PWWP3B: variants seen among roughly 807,000 people sequenced by gnomAD.
PWWP3B encodes PWWP domain-containing DNA repair factor 3B.
PWWP3B carries 5 observed loss-of-function variants against 15.7 expected under a neutral mutation model. That is an observed-to-expected ratio of 0.32 (90% CI 0.17 to 0.67). The LOEUF is 0.67. PWWP3B is among the 30% of genes least tolerant of loss of function. The pLI is 0.74. For missense variants in PWWP3B, 519 were observed against 493.1 expected (o/e 1.05, Z -0.50); for synonymous variants, 203 against 179.8 (o/e 1.13, Z -1.03).
chrX:106,169,899 A>G (rs187028190), intron 1 of PWWP3B, among the ~76,000 whole-genome samples: 86 of 112,058 alleles, frequency 7.7e-4, no homozygotes, highest in African/African-American at 2.5e-3. Context: ...AGTGTATGCA[A>G]TAAAAACCTG....
chrX:106,190,977 G>A (rs1405630850), intron 2 of PWWP3B, among the ~76,000 whole-genome samples: 1 of 111,282 alleles, frequency 9.0e-6, no homozygotes, highest in African/African-American at 3.3e-5. Flanking sequence ...GTCAGGTGGC[G>A]TGATGCCTCC....
intron 2 of PWWP3B, among the ~76,000 whole-genome samples, chrX:106,174,605 C>G (rs746036628): frequency 1.8e-4 from 20 of 111,693 alleles, no homozygotes; most frequent in African/African-American, 6.5e-4. Flanking sequence ...AATGGCAATT[C>G]TCTGTATAAC....
intron 2 of PWWP3B, among the ~76,000 whole-genome samples, chrX:106,195,955 C>A (rs1180445251): frequency 1.8e-5 from 2 of 111,581 alleles, no homozygotes; most frequent in Admixed American, 9.6e-5. Context: ...TTATTTAGGT[C>A]TTATTTAATT....
intron 2 of PWWP3B, among the ~76,000 whole-genome samples, chrX:106,189,858 C>A (rs1922797675): frequency 9.0e-6 from 1 of 111,339 alleles, no homozygotes; most frequent in African/African-American, 3.3e-5. Context: ...ACCTCGTGAT[C>A]CGCCTGCCTC....
At chrX:106,195,733 A>G (rs1923338872) in intron 2 of PWWP3B, among the ~76,000 whole-genome samples, 1 of 111,857 alleles carries the variant, frequency 8.9e-6, no homozygotes, top group Non-Finnish European at 1.9e-5. Flanking sequence ...GAATCTTCTA[A>G]CTTTTGTATT....
intron 2 of PWWP3B, among the ~76,000 whole-genome samples, chrX:106,177,775 A>G (rs1286554914): frequency 1.8e-5 from 2 of 112,319 alleles, no homozygotes. Context: ...GTACATGAAC[A>G]TGGAAAGGGA....
At position 106,208,829 on chromosome X, in the gene PWWP3B, T is replaced by C. The variant is rs1314852415; in HGVS notation, c.*1306T>C. On this transcript the variant is annotated 3_prime_UTR_variant, in exon 4 of 4. Transcript: ENST00000357175. Reference sequence around the variant, plus strand: ...ATTCTAAAGGCTTAACATGAAACTGTCTGCATTTCTACCTGTTAGACAATG... The same window carrying C: ...ATTCTAAAGGCTTAACATGAAACTGCCTGCATTTCTACCTGTTAGACAATG... The C allele has an allele frequency of 8.1e-6, 1 of 123,763 alleles. No homozygotes were observed. The highest frequency in any genetic ancestry group is 1.9e-5 in the Non-Finnish European group (1 of 53,383). 10.2% of individuals were successfully genotyped at this position (123,763 alleles called of 1,213,427 possible).
intron 2 of PWWP3B, chrX:106,177,279 C>G (rs1333734130): frequency 2.7e-5 from 3 of 112,699 alleles, no homozygotes; most frequent in Non-Finnish European, 5.6e-5. Context: ...TCGTCGGAGC[C>G]GCTCGGAAGG....
chrX:106,172,948 A>G (rs1314754976), intron 2 of PWWP3B, among the ~76,000 whole-genome samples: 2 of 112,181 alleles, frequency 1.8e-5, no homozygotes, highest in Admixed American at 9.5e-5. Context: ...GGAATTTTGC[A>G]GCTTTATTAT....
rs1421755399 is a variant in PWWP3B at position 106,175,915 on chromosome X, G to A, written c.-401+4776G>A. 2.7e-5 allele frequency among the ~76,000 whole-genome samples: 3 copies of A among 110,697 alleles called. No individual in the cohort carries two copies. In the East Asian group the frequency reaches 8.5e-4, roughly 31 times the overall value. ...TCTTTATTTTGAATATTTGGGTTTT[G>A]AGGAGTCCCGATATATAGCACCTCC... is the stretch of plus-strand genomic sequence containing the variant. On this transcript the variant is annotated intron_variant, in intron 2 of 3. Coordinates refer to ENST00000357175, the MANE Select transcript of PWWP3B (RefSeq NM_001171020.2).
intron 2 of PWWP3B, among the ~76,000 whole-genome samples, chrX:106,171,895 AC>A (rs1921638117): frequency 9.0e-6 from 1 of 110,702 alleles, no homozygotes; most frequent in Non-Finnish European, 1.9e-5. Flanking sequence ...TTTCTGGAAT[AC>A]CTCCTGAAAG....
intron 2 of PWWP3B, among the ~76,000 whole-genome samples, chrX:106,191,807 T>C (rs1374198205): frequency 9.0e-6 from 1 of 111,720 alleles, no homozygotes; most frequent in Non-Finnish European, 1.9e-5. Context: ...ATCATGTGGT[T>C]TTTGTCTTTG....
At chrX:106,205,107 C>T (rs1042726554) in intron 3 of PWWP3B, 112 bp from the exon 4 acceptor site, 1 of 178,398 alleles carries the variant, frequency 5.6e-6, no homozygotes, top group African/African-American at 3.0e-5. Context: ...GTCTCATGCC[C>T]CACTGCACAT....
rs148078016 is a variant in PWWP3B at position 106,186,970 on chromosome X, G to A, written c.-401+15831G>A. On this transcript the variant is annotated intron_variant, in intron 2 of 3. Coordinates refer to ENST00000357175, the MANE Select transcript of PWWP3B (RefSeq NM_001171020.2). The stretch of plus-strand genomic sequence containing the variant: ...ACAATCCTCTAGCTAGACGCAGAGC[G>A]TTGATTGGTGCATTTACAATCCTCT... 5.8e-3 allele frequency among the ~76,000 whole-genome samples: 654 copies of A among 111,809 alleles called. 5 individuals are homozygous for A. The highest frequency in any genetic ancestry group is 0.023 in the Middle Eastern group (5 of 216).
rs767934806 is a variant in PWWP3B, at chrX:106,206,595, A to T, written c.1163A>T (p.His388Leu). The T allele has an allele frequency of 8.3e-6, 10 of 1,210,371 alleles. No individual in the cohort carries two copies. In the East Asian group the frequency reaches 2.7e-4, roughly 32 times the overall value. ...LPRFILHYET[H>L]PFETGMIVWF... ...CGCTTCATTTTACATTATGAGACACATCCGTTTGAAACAGGAATGATAGTC... is the reference window on the plus strand; with the variant it reads ...CGCTTCATTTTACATTATGAGACACTTCCGTTTGAAACAGGAATGATAGTC... Residue 388 changes from histidine to leucine, a missense_variant, in exon 4 of 4, where the codon CAT becomes CTT. Transcript: ENST00000357175.
Position 106,204,180 on chromosome X carries a change from T to C in PWWP3B, c.-215+10T>C, listed in dbSNP as rs1031322541. ...ATCCACATGACAGTGGGTAAGACTC[T>C]TCCCATTTCATAAAACATTTCACGG... On this transcript the variant is annotated intron_variant, in intron 3 of 3. Coordinates refer to ENST00000357175, the MANE Select transcript of PWWP3B (RefSeq NM_001171020.2). 1 of 112,236 alleles carries C rather than the reference T, an allele frequency of 8.9e-6. No homozygotes were observed. Among genetic ancestry groups the C allele is most frequent in the African/African-American group, 3.2e-5 (1 of 30,870 alleles). 9.2% of individuals were successfully genotyped at this position (112,236 alleles called of 1,213,427 possible). A position where few individuals can be genotyped will look rare whatever the true frequency, so the allele number is the denominator to read the frequency against.
Position 106,172,695 on chromosome X carries a change from AT to A in PWWP3B, c.-401+1566del, listed in dbSNP as rs763081226. On this transcript the variant is annotated intron_variant, in intron 2 of 3. Coordinates refer to ENST00000357175, the MANE Select transcript of PWWP3B (RefSeq NM_001171020.2). ...GCTCTGTGGCTATTTTACGGTTAGC[AT>A]TTTTTTTTTCTAAGTAGAAGGAATA... 4.5e-3 allele frequency among the ~76,000 whole-genome samples: 485 copies of A among 108,239 alleles called. 2 individuals carry two copies. Among genetic ancestry groups the A allele is most frequent in the Non-Finnish European group, 4.9e-3 (254 of 52,001 alleles). 94.0% of individuals were successfully genotyped at this position (108,239 alleles called of 115,157 possible).
At chrX:106,193,721 T>G (rs948498180) in intron 2 of PWWP3B, among the ~76,000 whole-genome samples, 6 of 112,041 alleles carry the variant, frequency 5.4e-5, no homozygotes, top group Non-Finnish European at 1.1e-4. Context: ...AGGAGCTCTT[T>G]TACGGCAGGC....
At chrX:106,187,573 C>T (rs1485357541) in intron 2 of PWWP3B, among the ~76,000 whole-genome samples, 1 of 111,911 alleles carries the variant, frequency 8.9e-6, no homozygotes, top group African/African-American at 3.2e-5. Context: ...ATCTGGCTTA[C>T]CTTTTTCTAT....
Sources: allele counts gnomAD v4.1 joint callset (sites outside exome capture counted in the v4.1 genomes callset), GRCh38; gene constraint gnomAD v4.1.1; transcripts MANE v1.5; gene names NCBI Gene and HGNC (gene_info 2026-07-23, HGNC 2026-07-21).